ROBO1: variants seen among roughly 807,000 people sequenced by gnomAD.
ROBO1 encodes roundabout homolog 1.
A neutral mutation model predicts 195.9 loss-of-function variants in ROBO1; 149 were observed. That is an observed-to-expected ratio of 0.76 (90% CI 0.67 to 0.87). ROBO1 has a LOEUF of 0.87. Among genes scored for constraint, ROBO1 ranks in the 40% least tolerant of loss-of-function variants. The probability of loss-of-function intolerance (pLI) is 0.00; values close to 1 mark genes in which losing one functional copy is unlikely to be tolerated. For synonymous variants in ROBO1, 816 were observed against 733.2 expected (o/e 1.11, Z -1.82); for missense variants, 1,933 against 2,068.3 (o/e 0.93, Z 1.27).
intron 4 of ROBO1, among the ~76,000 whole-genome samples, chr3:78,867,216 A>G (rs1018852968): frequency 1.3e-5 from 2 of 152,134 alleles, no homozygotes; most frequent in Non-Finnish European, 2.9e-5. Context: ...TCTTTTCTTC[A>G]GATTATTGTT....
intron 2 of ROBO1, among the ~76,000 whole-genome samples, chr3:79,399,965 G>GTGTGA (rs2037303201): frequency 1.3e-5 from 2 of 152,066 alleles, no homozygotes; most frequent in African/African-American, 4.8e-5. Flanking sequence ...CCCTTGTGTA[G>GTGTGA]CAAAAGAGAA....
At chr3:78,973,794 T>A (rs1194122604) in intron 3 of ROBO1, among the ~76,000 whole-genome samples, 8 of 151,874 alleles carry the variant, frequency 5.3e-5, no homozygotes, top group Non-Finnish European at 1.0e-4. Flanking sequence ...ATCGCATATT[T>A]ATCATATATC....
chr3:79,464,944 T>C (rs1469382408), intron 2 of ROBO1, among the ~76,000 whole-genome samples: 1 of 152,164 alleles, frequency 6.6e-6, no homozygotes, highest in East Asian at 1.9e-4. Flanking sequence ...CATAGACTCA[T>C]GGCACCTCCT....
chr3:78,621,194 T>C (rs1704435518), intron 26 of ROBO1, among the ~76,000 whole-genome samples: 1 of 152,124 alleles, frequency 6.6e-6, no homozygotes. Context: ...ATTGTTTCAA[T>C]ATGGAGTGTT....
At chr3:79,156,636 C>A (rs1172265799) in intron 2 of ROBO1, among the ~76,000 whole-genome samples, 1 of 151,762 alleles carries the variant, frequency 6.6e-6, no homozygotes, top group African/African-American at 2.4e-5. Flanking sequence ...TTGAGCAATA[C>A]TTTAAGGGGG....
At chr3:79,267,332 A>C (rs1168155119) in intron 2 of ROBO1, among the ~76,000 whole-genome samples, 1 of 151,498 alleles carries the variant, frequency 6.6e-6, no homozygotes, top group Admixed American at 6.6e-5. Flanking sequence ...TTGCCACTCC[A>C]TTTCAGAGTC....
intron 4 of ROBO1, among the ~76,000 whole-genome samples, chr3:78,931,236 C>CT (rs71127369): frequency 0.011 from 851 of 79,032 alleles, 20 homozygotes; most frequent in South Asian, 0.025. Context: ...TTCTTTCTTT[C>CT]TTTTTTTTTT....
chr3:79,599,867 AAAGT>A (rs922010412), intron 1 of ROBO1, among the ~76,000 whole-genome samples: 5 of 152,038 alleles, frequency 3.3e-5, no homozygotes, highest in Non-Finnish European at 7.4e-5. Flanking sequence ...GATCTAATGA[AAAGT>A]AATAAAATAT....
intron 2 of ROBO1, among the ~76,000 whole-genome samples, chr3:79,534,216 C>G (rs1941769970): frequency 6.7e-6 from 1 of 148,652 alleles, no homozygotes; most frequent in Non-Finnish European, 1.5e-5. Context: ...GAAAAACAGT[C>G]CTGCTGACAC....
intron 2 of ROBO1, among the ~76,000 whole-genome samples, chr3:79,445,858 T>A (rs11928987): frequency 0.034 from 5,229 of 152,086 alleles, 207 homozygotes; most frequent in African/African-American, 0.098. Context: ...TTCACCGTGT[T>A]AGCCAGTATG....
chr3:79,573,640 T>C (rs1943352060), intron 2 of ROBO1, among the ~76,000 whole-genome samples: 1 of 152,184 alleles, frequency 6.6e-6, no homozygotes, highest in Non-Finnish European at 1.5e-5. Context: ...AAATTATCGA[T>C]GGTTTAAAGA....
At chr3:79,703,101 T>C (rs1376067337) in intron 1 of ROBO1, among the ~76,000 whole-genome samples, 1 of 152,042 alleles carries the variant, frequency 6.6e-6, no homozygotes, top group South Asian at 2.1e-4. Flanking sequence ...AAGGTTAATG[T>C]AAAATTCTAA....
intron 5 of ROBO1, among the ~76,000 whole-genome samples, chr3:78,737,670 A>G (rs2108229538): frequency 6.6e-6 from 1 of 152,300 alleles, no homozygotes; most frequent in Non-Finnish European, 1.5e-5. Context: ...TGTTCTACTA[A>G]TCCCCAGTGT....
At chr3:78,920,282 T>C (rs2038860270) in intron 4 of ROBO1, among the ~76,000 whole-genome samples, 1 of 151,974 alleles carries the variant, frequency 6.6e-6, no homozygotes, top group East Asian at 1.9e-4. Flanking sequence ...CAAAATAACA[T>C]AAGGATTATA....
intron 1 of ROBO1, among the ~76,000 whole-genome samples, chr3:79,733,183 A>G (rs1378000513): frequency 6.6e-6 from 1 of 151,944 alleles, no homozygotes; most frequent in Non-Finnish European, 1.5e-5. Context: ...TTTCACCATC[A>G]CTCATTTTTT....
chr3:79,707,700 G>A (rs1947816539), intron 1 of ROBO1, among the ~76,000 whole-genome samples: 1 of 152,000 alleles, frequency 6.6e-6, no homozygotes, highest in Admixed American at 6.6e-5. Context: ...AGTAGAGATG[G>A]GGTTCCACCA....
Position 79,182,016 on chromosome 3 carries a change from G to A in ROBO1, c.89-56477C>T, listed in dbSNP as rs545831744. The stretch of plus-strand genomic sequence containing the variant: ...CACTTTTATATATATTTATAATGTG[G>A]TATTGGAAATCAAGGTCAGTTGTAT... On this transcript the variant is annotated intron_variant, in intron 2 of 30. Transcript: ENST00000464233. 3.3e-5 allele frequency among the ~76,000 whole-genome samples: 5 copies of A among 150,952 alleles called. No homozygotes were observed. The East Asian group carries it at 9.7e-4, about 29-fold the overall frequency.
chr3:79,337,507 TG>T (rs2034728504), intron 2 of ROBO1, among the ~76,000 whole-genome samples: 1 of 152,156 alleles, frequency 6.6e-6, no homozygotes, highest in African/African-American at 2.4e-5. Flanking sequence ...CTTCCCCTTC[TG>T]CAATGATTGT....
chr3:79,446,432 G>A (rs2039258174), intron 2 of ROBO1, among the ~76,000 whole-genome samples: 1 of 152,118 alleles, frequency 6.6e-6, no homozygotes, highest in African/African-American at 2.4e-5. Context: ...ACTTGACTTT[G>A]TCACCATATG....
Sources: gnomAD v4.1 joint callset for allele counts (sites outside exome capture counted in the v4.1 genomes callset) on GRCh38, gnomAD v4.1.1 for gene constraint, MANE v1.5 for transcripts, NCBI Gene and HGNC (gene_info 2026-07-23, HGNC 2026-07-21) for gene names.